Variants in ASH1L observed in about 807,000 individuals in gnomAD.
The protein encoded by ASH1L is histone-lysine N-methyltransferase ASH1L.
In ASH1L, 23 loss-of-function variants were observed where a neutral mutation model predicts 269.0. The ratio of observed to expected loss-of-function variants is 0.09; its 90% CI spans 0.06 to 0.12. The LOEUF (loss-of-function observed/expected upper bound fraction) is 0.12, where lower values mean the gene tolerates loss of function less well. Ranked by LOEUF, ASH1L falls within the 10% of genes least tolerant of loss-of-function variation. The probability of loss-of-function intolerance (pLI) is 1.00; values close to 1 mark genes in which losing one functional copy is unlikely to be tolerated. For missense variants in ASH1L, 2,912 were observed against 3,567.8 expected (o/e 0.82, Z 4.68); for synonymous variants, 1,187 against 1,253.5 (o/e 0.95, Z 1.12).
chr1:155,446,375 T>C (rs1352103922), intron 4 of ASH1L, among the ~76,000 whole-genome samples: 1 of 150,964 alleles, frequency 6.6e-6, no homozygotes, highest in Non-Finnish European at 1.5e-5. Flanking sequence ...CTTGGTTCAC[T>C]GCAACCTCCA....
intron 5 of ASH1L, among the ~76,000 whole-genome samples, chr1:155,423,504 G>A (rs1344301422): frequency 6.6e-6 from 1 of 152,026 alleles, no homozygotes; most frequent in African/African-American, 2.4e-5. Flanking sequence ...GGGAGGCAGA[G>A]GTTGCAGTGA....
chr1:155,459,959 C>T, intron 3 of ASH1L, 61 bp from the exon 4 acceptor site: 2 of 1,322,576 alleles, frequency 1.5e-6, no homozygotes, highest in East Asian at 2.3e-5. Context: ...TAATGTGAAA[C>T]CATCTTTTGT....
intron 2 of ASH1L, among the ~76,000 whole-genome samples, chr1:155,488,748 A>C (rs1176445382): frequency 6.6e-6 from 1 of 150,894 alleles, no homozygotes; most frequent in African/African-American, 2.4e-5. Flanking sequence ...TTACACTTGT[A>C]AGAACACTTT....
At position 155,538,399 on chromosome 1, in the gene ASH1L, C is replaced by A. The variant is rs138644848; in HGVS notation, c.-99-16781G>T. ...TTGAGATGGAGTCTCACTCTGTCAC[C>A]CAGGCTGGAATGCAATGGCGCAATC... is the stretch of plus-strand genomic sequence containing the variant. On this transcript the variant is annotated intron_variant, in intron 1 of 27. Coordinates refer to ENST00000392403, the MANE Select transcript of ASH1L (RefSeq NM_018489.3). Among the ~76,000 whole-genome samples, 1,256 of 151,470 alleles carry A rather than the reference C, an allele frequency of 8.3e-3. 12 individuals are homozygous for A. Among genetic ancestry groups the A allele is most frequent in the Non-Finnish European group, 0.013 (916 of 67,908 alleles).
At chr1:155,523,779 G>A (rs1468251334) in intron 1 of ASH1L, among the ~76,000 whole-genome samples, 1 of 152,156 alleles carries the variant, frequency 6.6e-6, no homozygotes, top group Non-Finnish European at 1.5e-5. Flanking sequence ...GCTGAGGCAT[G>A]AGAATCACTT....
intron 1 of ASH1L, among the ~76,000 whole-genome samples, chr1:155,558,188 T>C (rs1378512012): frequency 6.6e-6 from 1 of 152,126 alleles, no homozygotes; most frequent in Non-Finnish European, 1.5e-5. Flanking sequence ...AGAAGTGATG[T>C]GCAGGTGCGG....
intron 7 of ASH1L, among the ~76,000 whole-genome samples, chr1:155,390,743 T>A (rs1657856520): frequency 6.7e-6 from 1 of 150,102 alleles, no homozygotes; most frequent in African/African-American, 2.4e-5. Flanking sequence ...CCTCCCGGGT[T>A]CACACCATTC....
rs1307969258 is a variant in ASH1L, at chr1:155,481,806, G to C, written c.1064C>G (p.Ser355Cys). 6.2e-7 allele frequency: 1 copy of C among 1,614,066 alleles called. No homozygotes were observed. The highest frequency in any genetic ancestry group is 8.5e-7 in the Non-Finnish European group (1 of 1,180,038). Residue 355 changes from serine to cysteine, a missense_variant, in exon 3 of 28, where the codon TCT (serine) becomes TGT (cysteine). Coordinates refer to ENST00000392403, the MANE Select transcript of ASH1L (RefSeq NM_018489.3). ...GIVPGLVHKE[S>C]GKKLGLGTVV... The stretch of plus-strand genomic sequence containing the variant: ...AGTGCCAAGTCCTAACTTCTTGCCA[G>C]ACTCTTTATGCACTAAACCTGGAAC...
At chr1:155,543,432 C>A (rs1014777372) in intron 1 of ASH1L, among the ~76,000 whole-genome samples, 4 of 150,218 alleles carry the variant, frequency 2.7e-5, no homozygotes, top group African/African-American at 9.8e-5. Context: ...ATTGCTTGAA[C>A]CCAGGAGGCA....
chr1:155,350,464 T>G (rs771446706), intron 17 of ASH1L, among the ~76,000 whole-genome samples: 1 of 152,094 alleles, frequency 6.6e-6, no homozygotes. Context: ...ACAATGTTAG[T>G]TGGGTAATGA....
intron 1 of ASH1L, among the ~76,000 whole-genome samples, chr1:155,530,512 G>A (rs1173074869): frequency 2.6e-5 from 4 of 151,886 alleles, no homozygotes. Context: ...GATCACTTGA[G>A]GTCAGGAGTT....
Position 155,479,168 on chromosome 1 carries a change from G to A in ASH1L, c.3702C>T (p.Pro1234=). Residue 1234 remains proline, a synonymous_variant, in exon 3 of 28, where the codon CCC becomes CCT. Transcript: ENST00000392403. ...RHSFEHVSLI[P]PETSTVLSSL... is the part of the protein sequence containing the mutation. ...TGCTTAGCACTGTAGAGGTTTCAGG[G>A]GGAATCAGAGAAACATGCTCAAAAG... 1 of 1,614,034 alleles carries A rather than the reference G, an allele frequency of 6.2e-7. No individual in the cohort carries two copies.
At chr1:155,488,132 G>A (rs60881067) in intron 2 of ASH1L, among the ~76,000 whole-genome samples, 1 of 148,598 alleles carries the variant, frequency 6.7e-6, no homozygotes, top group African/African-American at 2.5e-5. Flanking sequence ...TGATCCACCC[G>A]CCTCAGCCTC....
At chr1:155,484,961 A>G (rs1440098927) in intron 2 of ASH1L, among the ~76,000 whole-genome samples, 1 of 140,086 alleles carries the variant, frequency 7.1e-6, no homozygotes, top group African/African-American at 2.8e-5. Flanking sequence ...AAAAACAAAA[A>G]CAAAAACCAA....
At chr1:155,461,101 G>A (rs2148675679) in intron 3 of ASH1L, among the ~76,000 whole-genome samples, 1 of 152,200 alleles carries the variant, frequency 6.6e-6, no homozygotes, top group East Asian at 1.9e-4. Context: ...AGCCGCAAAA[G>A]GTACAATAAA....
At position 155,521,429 on chromosome 1, in the gene ASH1L, A is replaced by G. The variant is rs149403397; in HGVS notation, c.91T>C (p.Leu31=). ...AGCTCTACTTCTCTCTTACTGACCAATGTGCCAGTACTGATGGCAGAAGGA... is the reference window on the plus strand; with the variant it reads ...AGCTCTACTTCTCTCTTACTGACCAGTGTGCCAGTACTGATGGCAGAAGGA... The part of the protein sequence containing the change: ...KSPSAISTGT[L]VSKREVELEK... The change falls in exon 2 of 28, where the codon TTG becomes CTG. Residue 31 remains leucine, a synonymous_variant. Transcript: ENST00000392403. 26 of 1,613,854 alleles carry G rather than the reference A, an allele frequency of 1.6e-5. No individual in the cohort carries two copies. Among genetic ancestry groups the G allele is most frequent in the Non-Finnish European group, 2.1e-5 (25 of 1,180,008 alleles).
intron 5 of ASH1L, among the ~76,000 whole-genome samples, chr1:155,426,479 G>A (rs2148580654): frequency 6.6e-6 from 1 of 152,254 alleles, no homozygotes; most frequent in South Asian, 2.1e-4. Flanking sequence ...GGGATTACAG[G>A]CGTGAGACAC....
At position 155,395,915 on chromosome 1, in the gene ASH1L, G is replaced by A. The variant is rs376949706; in HGVS notation, c.6009-362C>T. ...GGAGAAGGAACACAAATTTTAGATC[G>A]GATTATAATGACTGCCTTATATTTG... is the stretch of plus-strand genomic sequence containing the variant. On this transcript the variant is annotated intron_variant, in intron 6 of 27. Coordinates refer to ENST00000392403, the MANE Select transcript of ASH1L (RefSeq NM_018489.3). 19 of 165,038 alleles carry A rather than the reference G, an allele frequency of 1.2e-4. No individual in the cohort carries two copies. In the South Asian group the frequency reaches 2.8e-3, roughly 24 times the overall value. The allele number at this position is 165,038 out of a possible 1,614,324, so 10.2% of individuals were successfully genotyped here.
intron 2 of ASH1L, among the ~76,000 whole-genome samples, chr1:155,490,131 A>G (rs986258912): frequency 6.6e-6 from 1 of 151,608 alleles, no homozygotes; most frequent in Non-Finnish European, 1.5e-5. Context: ...TGCCCGGCTG[A>G]TTTTTTGTAT....
Sources: gnomAD v4.1 joint callset for allele counts (sites outside exome capture counted in the v4.1 genomes callset) on GRCh38, gnomAD v4.1.1 for gene constraint, MANE v1.5 for transcripts, NCBI Gene and HGNC (gene_info 2026-07-23, HGNC 2026-07-21) for gene names.